MAN2A2: variants seen among roughly 807,000 people sequenced by gnomAD.
The protein encoded by MAN2A2 is mannosidase alpha class 2A member 2, also known as alpha-mannosidase 2x.
A neutral mutation model predicts 126.8 loss-of-function variants in MAN2A2; 79 were observed. The observed-to-expected ratio is 0.62, with a 90% confidence interval of 0.52 to 0.75. MAN2A2 has a LOEUF of 0.75. Among genes scored for constraint, MAN2A2 ranks in the 30% least tolerant of loss-of-function variants. The probability of loss-of-function intolerance (pLI) is 0.00; values close to 1 mark genes in which losing one functional copy is unlikely to be tolerated. For synonymous variants in MAN2A2, 671 were observed against 618.7 expected (o/e 1.08, Z -1.25); for missense variants, 1,392 against 1,522.4 (o/e 0.91, Z 1.43).
rs370449250 is a variant in MAN2A2 at position 90,910,827 on chromosome 15, C to T, written c.1761-20C>T. On this transcript the variant is annotated intron_variant, in intron 11 of 22. Coordinates refer to ENST00000559717, the MANE Select transcript of MAN2A2 (RefSeq NM_006122.4). ...CCCTATGGTCATCTTCTCTCCTTCC[C>T]TCTCCTGCGCCACCCACAGGCTTCT... The T allele has an allele frequency of 6.2e-7, 1 of 1,609,506 alleles. No individual in the cohort carries two copies. Among genetic ancestry groups the T allele is most frequent in the Non-Finnish European group, 8.5e-7 (1 of 1,176,280 alleles).
At chr15:90,909,544 T>G in intron 9 of MAN2A2, 40 bp downstream of exon 9, 1 of 1,582,914 alleles carries the variant, frequency 6.3e-7, no homozygotes, top group South Asian at 1.1e-5. Flanking sequence ...CTCACAGTGC[T>G]GCAGCCCATC....
chr15:90,903,184 G>C (rs1334062113), upstream of MAN2A2: 3 of 152,434 alleles, frequency 2.0e-5, no homozygotes, highest in Non-Finnish European at 4.4e-5. Flanking sequence ...GGCGGCCAGA[G>C]ACCTGGCGGC....
Position 90,910,890 on chromosome 15 carries a change from G to T in MAN2A2, c.1804G>T (p.Ala602Ser). ...LVNLKQVIIH[A>S]AHYLVLGDKE... ...CAACCTGAAGCAGGTCATCATTCAT[G>T]CAGCCCACTATCTGGTGCTGGGGGA... The change falls in exon 12 of 23, where the codon GCA (alanine) becomes TCA (serine). Residue 602 changes from alanine (A) to serine (S), a missense_variant. Physicochemically the swap from Ala to Ser is moderately conservative, Grantham distance 99 (BLOSUM62 1). Coordinates refer to ENST00000559717, the MANE Select transcript of MAN2A2 (RefSeq NM_006122.4). The T allele has an allele frequency of 6.2e-7, 1 of 1,614,140 alleles. No individual in the cohort carries two copies. The highest frequency in any genetic ancestry group is 1.1e-5 in the South Asian group (1 of 91,084).
chr15:90,919,762 C>G lies in MAN2A2; in HGVS notation c.3428C>G (p.Ala1143Gly). The G allele has an allele frequency of 6.2e-7, 1 of 1,614,206 alleles. No individual in the cohort carries two copies. Reference protein sequence around the residue: ...TDVYLEPMEIATFRLRLG With the variant: ...TDVYLEPMEIGTFRLRLG ...GTCTATTTGGAGCCCATGGAGATTG[C>G]TACCTTTCGCCTCCGCTTGGGTTAG... Residue 1143 changes from alanine to glycine, a missense_variant, in exon 23 of 23, where the codon GCT becomes GGT. Transcript: ENST00000559717.
chr15:90,909,680 T>C (rs184780435), intron 9 of MAN2A2, among the ~76,000 whole-genome samples, 176 bp downstream of exon 9: 1 of 151,188 alleles, frequency 6.6e-6, no homozygotes, highest in Admixed American at 6.6e-5. Flanking sequence ...CTTGGCTCAC[T>C]GCCAGCTCCG....
At chr15:90,909,535 T>C (rs201163900) in intron 9 of MAN2A2, 31 bp downstream of exon 9, 45 of 1,593,892 alleles carry the variant, frequency 2.8e-5, no homozygotes, top group Non-Finnish European at 3.6e-5. Context: ...GGGAGGGGCC[T>C]CACAGTGCTG....
At chr15:90,903,288 T>G (rs2033984925), upstream of MAN2A2, 1 of 152,220 alleles carries the variant, frequency 6.6e-6, no homozygotes, top group Non-Finnish European at 1.5e-5. Context: ...GCCCGGAAGC[T>G]CCCGAGCAGA....
intron 7 of MAN2A2, 83 bp downstream of exon 7, chr15:90,906,996 C>G: frequency 6.6e-7 from 1 of 1,522,580 alleles, no homozygotes; most frequent in South Asian, 1.2e-5. Context: ...AAGACCCCCA[C>G]TGTTCTTCAG....
At chr15:90,918,556 G>A in intron 21 of MAN2A2, 89 bp from the exon 22 acceptor site, 2 of 1,211,006 alleles carry the variant, frequency 1.7e-6, no homozygotes, top group South Asian at 1.3e-5. Flanking sequence ...GCCTCCCTGT[G>A]CCAGCACTGC....
At chr15:90,902,784 GCAGCGGAGCGCGCCGGCGGCCCGGGGCC>G (rs1443326622), upstream of MAN2A2, 1 of 146,094 alleles carries the variant, frequency 6.8e-6, no homozygotes, top group Non-Finnish European at 1.5e-5. Context: ...CGGGGCCGGC[GCAGCGGAGCGCGCCGGCGGCCCGGGGCC>G]CAGCGGGAGC....
At chr15:90,918,415 G>A in intron 21 of MAN2A2, 27 bp downstream of exon 21, 1 of 1,603,506 alleles carries the variant, frequency 6.2e-7, no homozygotes, top group Non-Finnish European at 8.5e-7. Flanking sequence ...GTGACATGCT[G>A]AGAGCAGAGT....
chr15:90,906,025 C>T lies in MAN2A2; in HGVS notation c.707+9C>T, dbSNP rs1026220925. On this transcript the variant is annotated intron_variant, in intron 5 of 22. Transcript: ENST00000559717. ...AGAGCGGCAGTCCGAAGGCCAGTACCAGGCGGGGAGGCATGGGAGGGCATT... is the reference window on the plus strand; with the variant it reads ...AGAGCGGCAGTCCGAAGGCCAGTACTAGGCGGGGAGGCATGGGAGGGCATT... The T allele has an allele frequency of 5.2e-5, 84 of 1,613,372 alleles. No homozygotes were observed. Among genetic ancestry groups the T allele is most frequent in the Non-Finnish European group, 7.1e-5 (84 of 1,180,004 alleles).
intron 1 of MAN2A2, 42 bp downstream of exon 1, chr15:90,903,474 C>G (rs561238630): frequency 6.5e-6 from 1 of 153,264 alleles, no homozygotes; most frequent in Non-Finnish European, 1.5e-5. Flanking sequence ...GGGCACGGGT[C>G]CCCTGAAGTT....
At chr15:90,905,821 G>A in intron 4 of MAN2A2, 24 bp from the exon 5 acceptor site, 1 of 1,576,586 alleles carries the variant, frequency 6.3e-7, no homozygotes, top group Non-Finnish European at 8.6e-7. Context: ...GGCATCCTCA[G>A]GGGACCCTAC....
chr15:90,911,868 A>G (rs1021158362), intron 14 of MAN2A2, 175 bp from the exon 15 acceptor site: 8 of 666,692 alleles, frequency 1.2e-5, no homozygotes, highest in Non-Finnish European at 1.9e-5. Context: ...ATCACTTGAG[A>G]ATCATAAAGT....
intron 19 of MAN2A2, 91 bp from the exon 20 acceptor site, chr15:90,916,032 C>T (rs1018837224): frequency 1.5e-5 from 22 of 1,443,332 alleles, no homozygotes; most frequent in African/African-American, 2.8e-5. Flanking sequence ...TGCGCTTTTC[C>T]GTCAGGGCCT....
Position 90,910,084 on chromosome 15 carries a change from C to G in MAN2A2, c.1375-6C>G, listed in dbSNP as rs753851081. The G allele has an allele frequency of 1.2e-6, 2 of 1,607,432 alleles. No individual in the cohort carries two copies. Among genetic ancestry groups the G allele is most frequent in the Non-Finnish European group, 1.7e-6 (2 of 1,176,488 alleles). On this transcript the variant is annotated splice_region_variant and splice_polypyrimidine_tract_variant and intron_variant, in intron 9 of 22. Coordinates refer to ENST00000559717, the MANE Select transcript of MAN2A2 (RefSeq NM_006122.4). ...TGATGGGAGTGGGTTTTTGGGGTTC[C>G]CACAGGCCCAGTTTGGCACTCTTTC...
At chr15:90,918,015 A>C (rs1275428499) in intron 20 of MAN2A2, among the ~76,000 whole-genome samples, 179 bp from the exon 21 acceptor site, 1 of 152,168 alleles carries the variant, frequency 6.6e-6, no homozygotes, top group Non-Finnish European at 1.5e-5. Flanking sequence ...GGGAGACGGC[A>C]AATGTCCACA....
chr15:90,916,772 C>T (rs2151326611), intron 20 of MAN2A2: 2 of 794,752 alleles, frequency 2.5e-6, no homozygotes, highest in South Asian at 2.9e-5. Flanking sequence ...AGATATTGAG[C>T]ACCTGCTTTA....
Sources: gnomAD v4.1 joint callset for allele counts (sites outside exome capture counted in the v4.1 genomes callset) on GRCh38, gnomAD v4.1.1 for gene constraint, MANE v1.5 for transcripts, NCBI Gene and HGNC (gene_info 2026-07-23, HGNC 2026-07-21) for gene names.